Variants in GALNT13 observed in about 807,000 individuals in gnomAD.
GALNT13 encodes the protein polypeptide N-acetylgalactosaminyltransferase 13, also known as UDP-GalNAc:polypeptide N-acetylgalactosaminyltransferase 13.
Under a neutral mutation model 64.2 loss-of-function variants are expected in GALNT13, and 28 were observed. The ratio of observed to expected loss-of-function variants is 0.44; its 90% confidence interval spans 0.32 to 0.60. The LOEUF (loss-of-function observed/expected upper bound fraction) is 0.60, where lower values mean the gene tolerates loss of function less well. GALNT13 is among the 20% of genes least tolerant of loss of function. The probability of loss-of-function intolerance (pLI) is 0.05; values close to 1 mark genes in which losing one functional copy is unlikely to be tolerated. For synonymous variants in GALNT13, 214 were observed against 224.6 expected (o/e 0.95, Z 0.42); for missense variants, 577 against 669.8 (o/e 0.86, Z 1.53).
At chr2:154,341,562 C>T (rs974699369) in intron 9 of GALNT13, among the ~76,000 whole-genome samples, 2 of 151,932 alleles carry the variant, frequency 1.3e-5, no homozygotes, top group African/African-American at 4.8e-5. Context: ...TCAAGGAGAC[C>T]CATGTGACTG....
chr2:153,310,774 G>A, the GALNT13 span, among the ~76,000 whole-genome samples: 1 of 152,094 alleles, frequency 6.6e-6, no homozygotes, highest in African/African-American at 2.4e-5. Flanking sequence ...TGAACTGCAT[G>A]GGGGTACAGT....
At chr2:153,370,585 A>G in the GALNT13 span, 1 of 152,196 alleles carries the variant, frequency 6.6e-6, no homozygotes, top group African/African-American at 2.4e-5. Context: ...ATATGTAGGA[A>G]AAAGCATTCG....
At chr2:153,492,703 C>G in the GALNT13 span, among the ~76,000 whole-genome samples, 42 of 152,264 alleles carry the variant, frequency 2.8e-4, no homozygotes, top group African/African-American at 1.0e-3. Flanking sequence ...AGTCTTGACT[C>G]AATAGATATT....
intron 1 of GALNT13, among the ~76,000 whole-genome samples, chr2:153,882,331 C>A (rs184674931): frequency 1.3e-5 from 2 of 151,988 alleles, no homozygotes; most frequent in Non-Finnish European, 2.9e-5. Flanking sequence ...AATAATTTAT[C>A]AAACATGTAT....
intron 3 of GALNT13, among the ~76,000 whole-genome samples, chr2:153,979,853 G>A (rs751447848): frequency 1.3e-5 from 2 of 152,132 alleles, no homozygotes; most frequent in Non-Finnish European, 2.9e-5. Flanking sequence ...TCAAAAGTCT[G>A]TGAGAACCAA....
intron 1 of GALNT13, among the ~76,000 whole-genome samples, chr2:153,899,933 ATATT>A (rs1377035840): frequency 0.025 from 2,135 of 86,138 alleles, 34 homozygotes; most frequent in East Asian, 0.11. Context: ...ATATATATAT[ATATT>A]TTTTTTTTTT....
chr2:153,930,309 G>T (rs1239995098), intron 2 of GALNT13, among the ~76,000 whole-genome samples: 1 of 151,996 alleles, frequency 6.6e-6, no homozygotes, highest in Non-Finnish European at 1.5e-5. Flanking sequence ...TTTGTTGTCT[G>T]CTTGGCAGAG....
At chr2:154,220,097 C>G (rs1347200306) in intron 4 of GALNT13, among the ~76,000 whole-genome samples, 1 of 151,980 alleles carries the variant, frequency 6.6e-6, no homozygotes, top group Non-Finnish European at 1.5e-5. Flanking sequence ...ACCAAATGGG[C>G]TATGCAAGCA....
upstream of GALNT13, among the ~76,000 whole-genome samples, chr2:153,870,562 G>A (rs1685856439): frequency 6.6e-6 from 1 of 151,914 alleles, no homozygotes; most frequent in Admixed American, 6.6e-5. Flanking sequence ...ATGCACAGAA[G>A]CATCTCTGGT....
chr2:153,386,145 A>G, the GALNT13 span, among the ~76,000 whole-genome samples: 6 of 152,074 alleles, frequency 3.9e-5, no homozygotes, highest in African/African-American at 1.4e-4. Flanking sequence ...GGAGATTTGA[A>G]TAACTACTGC....
the GALNT13 span, among the ~76,000 whole-genome samples, chr2:153,241,794 CT>C: frequency 2.4e-4 from 36 of 151,862 alleles, no homozygotes; most frequent in African/African-American, 8.4e-4. Context: ...TATGATACCC[CT>C]CTCCCCCTTA....
intron 3 of GALNT13, among the ~76,000 whole-genome samples, chr2:154,015,257 T>A (rs1294333920): frequency 1.3e-5 from 2 of 152,204 alleles, no homozygotes; most frequent in African/African-American, 4.8e-5. Context: ...ATAAATCTGA[T>A]TTAGTGAATT....
intron 3 of GALNT13, among the ~76,000 whole-genome samples, chr2:154,058,836 G>A (rs1700032304): frequency 6.6e-6 from 1 of 152,074 alleles, no homozygotes; most frequent in African/African-American, 2.4e-5. Flanking sequence ...GTGAAGAGAG[G>A]AACCATTGTA....
the GALNT13 span, among the ~76,000 whole-genome samples, chr2:153,339,811 T>C: frequency 3.4e-3 from 513 of 152,322 alleles, 4 homozygotes; most frequent in African/African-American, 0.012. Context: ...ATTTTATTTT[T>C]TGCACGTAAA....
the GALNT13 span, among the ~76,000 whole-genome samples, chr2:153,843,679 T>G: frequency 7.2e-5 from 11 of 152,216 alleles, no homozygotes; most frequent in African/African-American, 2.7e-4. Context: ...GGCAAGTTTC[T>G]TCCACCTATA....
chr2:153,389,305 G>A, the GALNT13 span, among the ~76,000 whole-genome samples: 1 of 152,072 alleles, frequency 6.6e-6, no homozygotes, highest in Non-Finnish European at 1.5e-5. Flanking sequence ...GCTCATCAGT[G>A]TTGGTTTGTT....
the GALNT13 span, among the ~76,000 whole-genome samples, chr2:153,179,000 C>T: frequency 4.6e-5 from 7 of 151,894 alleles, no homozygotes; most frequent in Non-Finnish European, 1.0e-4. Flanking sequence ...ACCTCGGCCT[C>T]CCAAAGTGCT....
the GALNT13 span, among the ~76,000 whole-genome samples, chr2:153,635,456 A>ATATATATACATATATATATGTG: frequency 3.4e-5 from 5 of 145,422 alleles, no homozygotes; most frequent in African/African-American, 1.0e-4. Flanking sequence ...ATATATATGT[A>ATATATATACATATATATATGTG]TATGTGTATA....
At chr2:153,816,612 G>A in the GALNT13 span, among the ~76,000 whole-genome samples, 11 of 143,426 alleles carry the variant, frequency 7.7e-5, no homozygotes, top group African/African-American at 2.8e-4. Flanking sequence ...TGGATGGATA[G>A]ATTAGATAGA....
Sources: allele counts gnomAD v4.1 joint callset (sites outside exome capture counted in the v4.1 genomes callset), GRCh38; gene constraint gnomAD v4.1.1; transcripts MANE v1.5; gene names NCBI Gene and HGNC (gene_info 2026-07-23, HGNC 2026-07-21).